Variants in NAV2 observed in about 807,000 individuals in gnomAD.
NAV2 encodes neuron navigator 2.
In NAV2, 54 loss-of-function variants were observed where a neutral mutation model predicts 223.2. The ratio of observed to expected loss-of-function variants is 0.24; its 90% CI spans 0.19 to 0.30. NAV2 has a LOEUF of 0.30. NAV2 is among the 10% of genes least tolerant of loss of function. The pLI, the probability that NAV2 is intolerant of heterozygous loss-of-function variation, is 1.00. For missense variants in NAV2, 2,806 were observed against 3,147.5 expected, an observed-to-expected ratio of 0.89 and a Z score of 2.60; for synonymous variants, 1,279 against 1,239.3, an observed-to-expected ratio of 1.03 and a Z score of -0.67.
At chr11:19,957,043 C>A (rs2047941153) in intron 10 of NAV2, among the ~76,000 whole-genome samples, 1 of 152,210 alleles carries the variant, frequency 6.6e-6, no homozygotes, top group African/African-American at 2.4e-5. Context: ...CTGTGCCAGG[C>A]ACTGGGAGCA....
intron 10 of NAV2, among the ~76,000 whole-genome samples, chr11:19,956,591 G>T (rs141867043): frequency 2.6e-5 from 4 of 152,276 alleles, no homozygotes; most frequent in African/African-American, 7.2e-5. Flanking sequence ...AAAGCATATG[G>T]TAAAGGATAC....
chr11:19,657,030 T>A (rs1039287797), intron 1 of NAV2, among the ~76,000 whole-genome samples: 1 of 152,124 alleles, frequency 6.6e-6, no homozygotes. Context: ...CTCCCTTGAT[T>A]GTAATGCATT....
chr11:19,678,408 A>T (rs780207782), intron 1 of NAV2, among the ~76,000 whole-genome samples: 1 of 152,176 alleles, frequency 6.6e-6, no homozygotes, highest in Non-Finnish European at 1.5e-5. Flanking sequence ...CATGCCTGTC[A>T]TCTCGCTGCA....
intron 19 of NAV2, 118 bp downstream of exon 19, chr11:20,056,075 G>T: frequency 1.1e-6 from 1 of 903,532 alleles, no homozygotes; most frequent in South Asian, 1.7e-5. Context: ...ACCTATAAGT[G>T]CTCCCACCTC....
intron 27 of NAV2, 122 bp from the exon 28 acceptor site, chr11:20,092,084 T>G (rs1489751592): frequency 4.7e-6 from 4 of 849,394 alleles, no homozygotes; most frequent in African/African-American, 1.7e-5. Flanking sequence ...TCTGAGGGTG[T>G]TGTTCGCCTT....
chr11:20,001,260 C>T (rs1351511400), intron 11 of NAV2, among the ~76,000 whole-genome samples: 1 of 152,184 alleles, frequency 6.6e-6, no homozygotes, highest in African/African-American at 2.4e-5. Flanking sequence ...CATCTCAGGC[C>T]TAGTAAGTCC....
At chr11:19,620,700 C>T (rs1258770697) in intron 1 of NAV2, among the ~76,000 whole-genome samples, 1 of 152,218 alleles carries the variant, frequency 6.6e-6, no homozygotes, top group Non-Finnish European at 1.5e-5. Flanking sequence ...ATCATGTCAT[C>T]TCCAAACAGG....
chr11:19,768,782 G>A (rs1192677929), intron 1 of NAV2, among the ~76,000 whole-genome samples: 5 of 152,210 alleles, frequency 3.3e-5, no homozygotes, highest in Admixed American at 3.3e-4. Context: ...TAACACTTGT[G>A]TACCTCCATT....
intron 1 of NAV2, among the ~76,000 whole-genome samples, chr11:19,361,944 A>G (rs931175533): frequency 2.0e-5 from 3 of 152,132 alleles, no homozygotes; most frequent in Non-Finnish European, 4.4e-5. Flanking sequence ...TCCCATAATG[A>G]TGCCCAAATA....
chr11:19,892,846 A>G (rs1229370947), intron 6 of NAV2, among the ~76,000 whole-genome samples: 6 of 152,238 alleles, frequency 3.9e-5, no homozygotes, highest in Non-Finnish European at 8.8e-5. Flanking sequence ...ACACCCGGCT[A>G]TGCATAGAAG....
chr11:19,820,012 G>A (rs1373193077), intron 1 of NAV2, among the ~76,000 whole-genome samples: 2 of 152,370 alleles, frequency 1.3e-5, no homozygotes, highest in East Asian at 1.9e-4. Flanking sequence ...CTAGAAGGTG[G>A]AGCTGAGGTG....
chr11:20,113,707 G>C (rs765414108), intron 36 of NAV2, among the ~76,000 whole-genome samples: 1 of 152,088 alleles, frequency 6.6e-6, no homozygotes, highest in African/African-American at 2.4e-5. Context: ...CAAGAAACGG[G>C]GTTTTATTGA....
chr11:19,348,978 A>C (rs1167494837), upstream of NAV2, among the ~76,000 whole-genome samples: 1 of 152,194 alleles, frequency 6.6e-6, no homozygotes, highest in Non-Finnish European at 1.5e-5. Flanking sequence ...CTGAGGTTTC[A>C]CCTTTGCAAA....
chr11:19,490,357 T>C (rs1392091716), intron 1 of NAV2, among the ~76,000 whole-genome samples: 1 of 152,224 alleles, frequency 6.6e-6, no homozygotes, highest in African/African-American at 2.4e-5. Context: ...TTACCCACAG[T>C]AGAAATTATT....
At chr11:20,050,686 C>T (rs1420999286) in intron 16 of NAV2, among the ~76,000 whole-genome samples, 1 of 152,240 alleles carries the variant, frequency 6.6e-6, no homozygotes, top group East Asian at 1.9e-4. Flanking sequence ...GCTTTGACTT[C>T]ATCAGCCAGC....
chr11:19,352,340 C>A (rs1853375560), intron 1 of NAV2, among the ~76,000 whole-genome samples: 1 of 152,224 alleles, frequency 6.6e-6, no homozygotes, highest in African/African-American at 2.4e-5. Flanking sequence ...AGTTTGGTAT[C>A]CAGACACTTA....
intron 3 of NAV2, among the ~76,000 whole-genome samples, chr11:19,851,013 C>G (rs1437005374): frequency 6.6e-6 from 1 of 152,212 alleles, no homozygotes; most frequent in East Asian, 1.9e-4. Context: ...TTGTCCCTGA[C>G]TTTCCACCAT....
intron 1 of NAV2, among the ~76,000 whole-genome samples, chr11:19,446,920 C>T (rs1034323816): frequency 6.6e-6 from 1 of 152,118 alleles, no homozygotes; most frequent in Non-Finnish European, 1.5e-5. Context: ...CTCTCTAGTG[C>T]CATGAAAGTC....
intron 11 of NAV2, chr11:20,022,779 C>G: frequency 8.7e-7 from 1 of 1,150,442 alleles, no homozygotes; most frequent in Non-Finnish European, 1.1e-6. Flanking sequence ...GAGGGCCCTT[C>G]CATTCAGTGC....
Sources: allele counts gnomAD v4.1 joint callset (sites outside exome capture counted in the v4.1 genomes callset), GRCh38; gene constraint gnomAD v4.1.1; transcripts MANE v1.5; gene names NCBI Gene and HGNC (gene_info 2026-07-23, HGNC 2026-07-21).